CSMD1: variants seen among roughly 807,000 people sequenced by gnomAD.
The protein encoded by CSMD1 is CUB and Sushi multiple domains 1.
A neutral mutation model predicts 417.5 loss-of-function variants in CSMD1; 213 were observed. That is an observed-to-expected ratio of 0.51 (90% CI 0.46 to 0.57). The LOEUF (loss-of-function observed/expected upper bound fraction) is 0.57, where lower values mean the gene tolerates loss of function less well. Ranked by LOEUF, CSMD1 falls within the 20% of genes least tolerant of loss-of-function variation. CSMD1 has a pLI of 0.00. For missense variants in CSMD1, 6,923 were observed against 4,529.7 expected, an observed-to-expected ratio of 1.53 and a Z score of -15.17; for synonymous variants, 2,862 against 1,736.8, an observed-to-expected ratio of 1.65 and a Z score of -16.11.
chr8:4,728,040 T>A (rs950590470), intron 1 of CSMD1, among the ~76,000 whole-genome samples: 2 of 146,452 alleles, frequency 1.4e-5, no homozygotes, highest in Admixed American at 1.4e-4. Flanking sequence ...ATTTTTTTGG[T>A]TTATTGTTAT....
chr8:3,952,731 A>G (rs1455010522), intron 5 of CSMD1, among the ~76,000 whole-genome samples: 1 of 152,228 alleles, frequency 6.6e-6, no homozygotes, highest in Non-Finnish European at 1.5e-5. Context: ...TGGACATTTT[A>G]AAATGGCTTA....
At chr8:4,096,866 A>T (rs1039246988) in intron 3 of CSMD1, among the ~76,000 whole-genome samples, 2 of 152,182 alleles carry the variant, frequency 1.3e-5, no homozygotes, top group Non-Finnish European at 2.9e-5. Flanking sequence ...GGATTCCTGC[A>T]AAGCCATCTT....
At chr8:3,430,056 CAAGT>C (rs1468743983) in intron 12 of CSMD1, among the ~76,000 whole-genome samples, 3 of 152,012 alleles carry the variant, frequency 2.0e-5, no homozygotes, top group African/African-American at 7.2e-5. Flanking sequence ...ATATAATTGC[CAAGT>C]ATGTATATAT....
intron 23 of CSMD1, among the ~76,000 whole-genome samples, chr8:3,327,120 T>G (rs1314101548): frequency 2.0e-4 from 30 of 151,386 alleles, no homozygotes; most frequent in Admixed American, 1.1e-3. Context: ...TCATTGGCAT[T>G]AACACTTGAC....
At position 4,176,663 on chromosome 8, in the gene CSMD1, G is replaced by A. The variant is rs1393603989; in HGVS notation, c.416-144564C>T. On this transcript the variant is annotated intron_variant, in intron 3 of 69. Coordinates refer to ENST00000635120, the MANE Select transcript of CSMD1 (RefSeq NM_033225.6). ...TTGGATAAAGAGTCAAGACCCATCA[G>A]TGTGCTGTATTCAGGAAAGCCATCT... 4.0e-5 allele frequency among the ~76,000 whole-genome samples: 6 copies of A among 151,632 alleles called. No homozygotes were observed. The South Asian group carries it at 6.3e-4, about 16-fold the overall frequency.
intron 3 of CSMD1, among the ~76,000 whole-genome samples, chr8:4,362,437 A>G (rs547119637): frequency 2.0e-5 from 3 of 152,312 alleles, no homozygotes; most frequent in Admixed American, 2.0e-4. Context: ...TTGGACAAGA[A>G]GAGTTTTGTT....
intron 5 of CSMD1, among the ~76,000 whole-genome samples, chr8:3,860,570 T>C (rs1202335411): frequency 6.6e-6 from 1 of 152,190 alleles, no homozygotes; most frequent in Non-Finnish European, 1.5e-5. Flanking sequence ...AAAATACGCA[T>C]ATGTATTGCT....
intron 1 of CSMD1, among the ~76,000 whole-genome samples, chr8:4,637,769 C>G (rs1202850026): frequency 1.3e-5 from 2 of 150,088 alleles, no homozygotes; most frequent in Non-Finnish European, 3.0e-5. Flanking sequence ...TTCCCGGGTT[C>G]ACGCCATTCT....
intron 1 of CSMD1, among the ~76,000 whole-genome samples, chr8:4,917,651 G>A (rs28661602): frequency 6.6e-6 from 1 of 151,020 alleles, no homozygotes; most frequent in African/African-American, 2.4e-5. Context: ...ATAAATAAAT[G>A]AAATAAAATA....
intron 2 of CSMD1, among the ~76,000 whole-genome samples, chr8:4,561,949 G>A (rs998678388): frequency 6.6e-6 from 1 of 152,134 alleles, no homozygotes; most frequent in Non-Finnish European, 1.5e-5. Flanking sequence ...GACACTGCCA[G>A]CCCCTCACAA....
At chr8:3,902,115 C>G (rs1474116918) in intron 5 of CSMD1, among the ~76,000 whole-genome samples, 3 of 152,118 alleles carry the variant, frequency 2.0e-5, no homozygotes, top group Non-Finnish European at 4.4e-5. Flanking sequence ...CATTGCTAAG[C>G]CTTAATATGA....
chr8:4,173,003 AAAT>A (rs2131144135), intron 3 of CSMD1, among the ~76,000 whole-genome samples: 1 of 152,146 alleles, frequency 6.6e-6, no homozygotes, highest in East Asian at 1.9e-4. Context: ...AGAAACCTTG[AAAT>A]AATAAATGCT....
chr8:3,676,128 T>C (rs1412305858), intron 7 of CSMD1, among the ~76,000 whole-genome samples: 1 of 152,262 alleles, frequency 6.6e-6, no homozygotes, highest in Admixed American at 6.5e-5. Flanking sequence ...TATAAGATAC[T>C]ATTATACCTA....
At chr8:4,450,031 C>G (rs551864123) in intron 2 of CSMD1, among the ~76,000 whole-genome samples, 1 of 152,186 alleles carries the variant, frequency 6.6e-6, no homozygotes, top group Non-Finnish European at 1.5e-5. Context: ...GTGTCCTGTC[C>G]TTGATGACTG....
chr8:4,161,748 G>C (rs1797183242), intron 3 of CSMD1, among the ~76,000 whole-genome samples: 1 of 152,088 alleles, frequency 6.6e-6, no homozygotes, highest in African/African-American at 2.4e-5. Flanking sequence ...ACTGATTCTG[G>C]AACCAGTTTC....
intron 3 of CSMD1, among the ~76,000 whole-genome samples, chr8:4,178,244 G>T (rs985900315): frequency 2.0e-5 from 3 of 152,230 alleles, no homozygotes; most frequent in Non-Finnish European, 2.9e-5. Context: ...CATCAAGTGG[G>T]CTTCATCCCT....
chr8:4,544,727 G>C (rs576156325), intron 2 of CSMD1, among the ~76,000 whole-genome samples: 1 of 152,220 alleles, frequency 6.6e-6, no homozygotes, highest in East Asian at 1.9e-4. Context: ...CTCAGGCATG[G>C]GTCAATGTTA....
chr8:4,066,508 A>T (rs1459873321), intron 3 of CSMD1, among the ~76,000 whole-genome samples: 2 of 152,220 alleles, frequency 1.3e-5, no homozygotes, highest in African/African-American at 4.8e-5. Flanking sequence ...GATAGAAAAC[A>T]ATTTGTATTA....
At position 2,962,632 on chromosome 8, in the gene CSMD1, G is replaced by A; in HGVS notation, c.9462C>T (p.Phe3154=). The A allele has an allele frequency of 1.2e-6, 2 of 1,613,636 alleles. No homozygotes were observed. Among genetic ancestry groups the A allele is most frequent in the Non-Finnish European group, 1.7e-6 (2 of 1,179,718 alleles). Residue 3154 remains phenylalanine (F), a synonymous_variant, in exon 61 of 70, where the codon TTC becomes TTT. Coordinates refer to ENST00000635120, the MANE Select transcript of CSMD1 (RefSeq NM_033225.6). ...CTGCGGGGATGCCAGGGTCTCCGCA[G>A]AACACAGCTATGGAAGATAACCAGG... The part of the protein sequence containing the change: ...KGEIPQCLPV[F]CGDPGIPAEG...
Sources: allele counts gnomAD v4.1 joint callset (sites outside exome capture counted in the v4.1 genomes callset), GRCh38; gene constraint gnomAD v4.1.1; transcripts MANE v1.5; gene names NCBI Gene and HGNC (gene_info 2026-07-23, HGNC 2026-07-21).